The following DMD variants were observed in gnomAD, a reference collection of about 807,000 sequenced individuals.
DMD encodes the protein mutant dystrophin.
DMD carries 63 observed loss-of-function variants against 330.1 expected under a neutral mutation model. The ratio of observed to expected loss-of-function variants is 0.19; its 90% CI spans 0.16 to 0.24. The LOEUF (loss-of-function observed/expected upper bound fraction) is 0.24. DMD is among the 10% of genes least tolerant of loss of function. DMD has a pLI of 1.00. For synonymous variants in DMD, 1,223 were observed against 959.8 expected (o/e 1.27, Z -5.07); for missense variants, 3,344 against 2,684.1 (o/e 1.25, Z -5.43).
intron 2 of DMD, among the ~76,000 whole-genome samples, chrX:32,926,536 G>A (rs1054265563): frequency 2.7e-5 from 3 of 111,027 alleles, no homozygotes; most frequent in African/African-American, 9.8e-5. Context: ...GATTGCCTGA[G>A]CTCAGGAGTT....
intron 7 of DMD, among the ~76,000 whole-genome samples, chrX:32,798,646 T>A (rs1169092796): frequency 8.9e-6 from 1 of 111,953 alleles, no homozygotes; most frequent in Non-Finnish European, 1.9e-5. Context: ...AAATATATTT[T>A]CAACTGCAGA....
chrX:31,726,625 G>A (rs1018673363), intron 52 of DMD, among the ~76,000 whole-genome samples: 3 of 111,675 alleles, frequency 2.7e-5, no homozygotes. Context: ...TATGAGTATT[G>A]AATTTCCATC....
At chrX:33,239,140 C>T (rs1418284641) in intron 1 of DMD, among the ~76,000 whole-genome samples, 1 of 107,164 alleles carries the variant, frequency 9.3e-6, no homozygotes, top group African/African-American at 3.4e-5. Context: ...GCCTGTAATC[C>T]CAGCTACTCT....
chrX:31,807,072 G>A (rs905481831), intron 50 of DMD, among the ~76,000 whole-genome samples: 2 of 111,408 alleles, frequency 1.8e-5, no homozygotes, highest in Non-Finnish European at 3.8e-5. Flanking sequence ...TTTGACGGCC[G>A]AAGGGGACGC....
At chrX:31,648,607 A>C (rs1487950491) in intron 54 of DMD, among the ~76,000 whole-genome samples, 1 of 72,867 alleles carries the variant, frequency 1.4e-5, no homozygotes, top group African/African-American at 6.1e-5. Flanking sequence ...TACGGGGTGA[A>C]AGGGAGCTGC....
intron 55 of DMD, among the ~76,000 whole-genome samples, chrX:31,569,931 C>T: frequency 9.1e-6 from 1 of 110,493 alleles, no homozygotes; most frequent in Non-Finnish European, 1.9e-5. Flanking sequence ...CACAGCTTCC[C>T]CTAATGATAA....
intron 16 of DMD, among the ~76,000 whole-genome samples, chrX:32,559,822 G>C (rs1368553827): frequency 9.0e-6 from 1 of 111,435 alleles, no homozygotes; most frequent in East Asian, 2.8e-4. Context: ...TCAGGTGCTT[G>C]CTTCGGCAGC....
rs2032244011 is a variant in DMD, at chrX:31,120,604, A to AGGGCATAATAATTTAGTTGT, written c.*1295_*1314dup. On this transcript the variant is annotated 3_prime_UTR_variant, in exon 79 of 79. Transcript: ENST00000357033. ...CCCAGTTCCTTTTGACTGTGAGAAG[A>AGGGCATAATAATTTAGTTGT]GGGCATAATAATTTAGTTGTAATTA... 8.9e-6 allele frequency: 1 copy of AGGGCATAATAATTTAGTTGT among 112,221 alleles called. No individual in the cohort carries two copies. The highest frequency in any genetic ancestry group is 1.9e-5 in the Non-Finnish European group (1 of 53,248). The allele number at this position is 112,221 out of a possible 1,213,427, so 9.2% of individuals were successfully genotyped here. A position where few individuals can be genotyped will look rare whatever the true frequency, so the allele number is the denominator to read the frequency against.
chrX:32,438,424 T>A, intron 28 of DMD, 34 bp from the exon 29 acceptor site: 1 of 1,187,444 alleles, frequency 8.4e-7, no homozygotes, highest in Non-Finnish European at 1.1e-6. Context: ...CTATTTCTCC[T>A]TTTTTTTCTA....
intron 2 of DMD, among the ~76,000 whole-genome samples, chrX:32,859,875 G>A (rs1032632704): frequency 2.7e-5 from 3 of 110,871 alleles, no homozygotes; most frequent in South Asian, 3.8e-4. Context: ...GAACTATTTT[G>A]TGAAGCACAC....
chrX:31,376,106 A>G (rs145202584), intron 60 of DMD, among the ~76,000 whole-genome samples: 2 of 112,063 alleles, frequency 1.8e-5, no homozygotes, highest in African/African-American at 6.5e-5. Flanking sequence ...TTTAGACTTT[A>G]GATTCTCTCA....
At chrX:32,124,910 C>T (rs772232460) in intron 44 of DMD, among the ~76,000 whole-genome samples, 16 of 103,198 alleles carry the variant, frequency 1.6e-4, no homozygotes, top group Admixed American at 3.2e-4. Flanking sequence ...CCCTGACAAA[C>T]GGAATAGTAC....
At chrX:33,002,007 T>C (rs2093291539) in intron 2 of DMD, among the ~76,000 whole-genome samples, 1 of 111,753 alleles carries the variant, frequency 8.9e-6, no homozygotes, top group African/African-American at 3.2e-5. Context: ...AGTCCTCTTG[T>C]TGTAACCACA....
chrX:31,994,231 G>A (rs1482852014), intron 44 of DMD, among the ~76,000 whole-genome samples: 1 of 111,750 alleles, frequency 8.9e-6, no homozygotes, highest in Admixed American at 9.5e-5. Flanking sequence ...GGATAAGTTA[G>A]ACAATTAAAG....
chrX:31,920,005 C>T (rs2094666715), intron 47 of DMD, among the ~76,000 whole-genome samples: 1 of 112,236 alleles, frequency 8.9e-6, no homozygotes, highest in African/African-American at 3.2e-5. Context: ...CCATTTTCTA[C>T]ACAATAAAAG....
intron 2 of DMD, among the ~76,000 whole-genome samples, chrX:32,872,013 G>A (rs2083036262): frequency 9.0e-6 from 1 of 110,757 alleles, no homozygotes; most frequent in Non-Finnish European, 1.9e-5. Context: ...GTATGAAAAG[G>A]ACACGAGAGA....
chrX:31,307,368 C>T (rs1013244522), intron 62 of DMD, among the ~76,000 whole-genome samples: 15 of 111,892 alleles, frequency 1.3e-4, no homozygotes, highest in African/African-American at 4.9e-4. Flanking sequence ...TCACCTTATA[C>T]ATCTTTTTAA....
chrX:32,685,905 A>C (rs1444843205), intron 9 of DMD, among the ~76,000 whole-genome samples: 1 of 111,999 alleles, frequency 8.9e-6, no homozygotes, highest in Non-Finnish European at 1.9e-5. Flanking sequence ...TGTGACCGTT[A>C]ATTATGTGTT....
intron 60 of DMD, among the ~76,000 whole-genome samples, chrX:31,436,794 T>C (rs2064560708): frequency 8.9e-6 from 1 of 112,079 alleles, no homozygotes; most frequent in African/African-American, 3.2e-5. Context: ...GCATAAATGA[T>C]TATTCTCTCC....
Sources: gnomAD v4.1 joint callset for allele counts (sites outside exome capture counted in the v4.1 genomes callset) on GRCh38, gnomAD v4.1.1 for gene constraint, MANE v1.5 for transcripts, NCBI Gene and HGNC (gene_info 2026-07-23, HGNC 2026-07-21) for gene names.